The following TMEM132D variants were observed in gnomAD, a reference collection of about 807,000 sequenced individuals.
TMEM132D encodes the protein mature OL transmembrane protein.
In TMEM132D, 21 loss-of-function variants were observed where a neutral mutation model predicts 62.3. That is an observed-to-expected ratio of 0.34 (90% CI 0.24 to 0.49). The LOEUF is 0.49. Ranked by LOEUF, TMEM132D falls within the 20% of genes least tolerant of loss-of-function variation. TMEM132D has a pLI of 0.99. For missense variants in TMEM132D, 1,346 were observed against 1,402.8 expected, an observed-to-expected ratio of 0.96 and a Z score of 0.65; for synonymous variants, 621 against 575.6, an observed-to-expected ratio of 1.08 and a Z score of -1.13.
intron 5 of TMEM132D, among the ~76,000 whole-genome samples, chr12:129,131,710 T>G (rs1876379493): frequency 6.6e-6 from 1 of 152,166 alleles, no homozygotes; most frequent in South Asian, 2.1e-4. Flanking sequence ...AAGAAAGCTA[T>G]GATAATGGGA....
chr12:129,501,011 T>TC (rs35014051), intron 3 of TMEM132D, among the ~76,000 whole-genome samples: 71,946 of 152,014 alleles, frequency 0.47, 17,920 homozygotes, highest in African/African-American at 0.64. Context: ...GTCTTTAGTC[T>TC]CCCCTGTAAA....
At chr12:129,782,281 C>T (rs61943423) in intron 1 of TMEM132D, among the ~76,000 whole-genome samples, 9,089 of 152,182 alleles carry the variant, frequency 0.06, 322 homozygotes, top group East Asian at 0.1. Context: ...TGGAGCATGA[C>T]GGATTTCAGT....
chr12:129,148,878 G>T (rs1226089415), intron 5 of TMEM132D, among the ~76,000 whole-genome samples: 1 of 139,850 alleles, frequency 7.2e-6, no homozygotes. Context: ...TCTCCAAATT[G>T]TCTTGCAGAA....
At chr12:129,086,493 G>C (rs904205726) in intron 5 of TMEM132D, among the ~76,000 whole-genome samples, 5 of 152,042 alleles carry the variant, frequency 3.3e-5, no homozygotes, top group African/African-American at 9.7e-5. Flanking sequence ...GTAAGAATAA[G>C]TGGTGTTTGA....
intron 4 of TMEM132D, among the ~76,000 whole-genome samples, chr12:129,216,589 G>A (rs893764161): frequency 6.6e-6 from 1 of 152,202 alleles, no homozygotes; most frequent in Non-Finnish European, 1.5e-5. Context: ...TCCAGAGGGA[G>A]CATGGCCCTG....
intron 2 of TMEM132D, among the ~76,000 whole-genome samples, chr12:129,534,129 G>A (rs1003763946): frequency 3.9e-5 from 6 of 152,176 alleles, no homozygotes; most frequent in Non-Finnish European, 7.3e-5. Flanking sequence ...TATGACAACT[G>A]AGTTACTTAC....
At chr12:129,405,824 C>T (rs1336065742) in intron 3 of TMEM132D, among the ~76,000 whole-genome samples, 1 of 152,118 alleles carries the variant, frequency 6.6e-6, no homozygotes, top group African/African-American at 2.4e-5. Context: ...ATTTAGGTGA[C>T]TGTCCTTGAA....
intron 3 of TMEM132D, among the ~76,000 whole-genome samples, chr12:129,415,489 A>T (rs1872090043): frequency 6.6e-6 from 1 of 152,358 alleles, no homozygotes; most frequent in African/African-American, 2.4e-5. Flanking sequence ...AACACAAGTG[A>T]GCGGACATAG....
chr12:129,386,953 C>T (rs1000436983), intron 3 of TMEM132D, among the ~76,000 whole-genome samples: 9 of 151,974 alleles, frequency 5.9e-5, no homozygotes, highest in African/African-American at 1.9e-4. Flanking sequence ...CTATCACTAA[C>T]ACCAACACCA....
At position 129,473,366 on chromosome 12, in the gene TMEM132D, G is replaced by A. The variant is rs1344508084; in HGVS notation, c.1115+57693C>T. On this transcript the variant is annotated intron_variant, in intron 3 of 8. Coordinates refer to ENST00000422113, the MANE Select transcript of TMEM132D (RefSeq NM_133448.3). ...TTTTTTGAGACCAAGTCTTGCTCTT[G>A]TTGCCCAGACTGGAGTGCAGTGGCA... Among the ~76,000 whole-genome samples, 4 of 75,874 alleles carry A rather than the reference G, an allele frequency of 5.3e-5. No homozygotes were observed. The Admixed American group carries it at 7.0e-4, about 13-fold the overall frequency. 49.8% of individuals were successfully genotyped at this position (75,874 alleles called of 152,430 possible).
At chr12:129,733,891 G>A (rs1332771947) in intron 1 of TMEM132D, among the ~76,000 whole-genome samples, 5 of 152,160 alleles carry the variant, frequency 3.3e-5, no homozygotes, top group African/African-American at 4.8e-5. Flanking sequence ...TGCTCCCCAC[G>A]GATGCAGACA....
intron 3 of TMEM132D, among the ~76,000 whole-genome samples, chr12:129,524,802 C>T (rs144585241): frequency 2.0e-5 from 3 of 151,618 alleles, no homozygotes; most frequent in South Asian, 2.1e-4. Context: ...TTGCAGTGAG[C>T]GGAGACTGCG....
chr12:129,614,918 T>A (rs1878874241), intron 2 of TMEM132D, among the ~76,000 whole-genome samples: 1 of 152,208 alleles, frequency 6.6e-6, no homozygotes, highest in Non-Finnish European at 1.5e-5. Context: ...CTGAGAATCT[T>A]CCATTTCTAA....
chr12:129,277,420 G>T lies in TMEM132D; in HGVS notation c.1299+60214C>A, dbSNP rs1358250339. On this transcript the variant is annotated intron_variant, in intron 4 of 8. Transcript: ENST00000422113. This position sits in a 1 kb window ranked among gnomAD's most constrained non-coding sequence, Gnocchi z 4.2. ...AGAATTTCAATATTAAATTTGTCGA[G>T]GAAAGAAAAGGATACCATTTCAACG... Among the ~76,000 whole-genome samples the T allele has an allele frequency of 1.3e-5, 2 of 152,158 alleles. No homozygotes were observed. The highest frequency in any genetic ancestry group is 1.5e-5 in the Non-Finnish European group (1 of 68,028).
At chr12:129,840,704 C>T (rs1873165223) in intron 1 of TMEM132D, among the ~76,000 whole-genome samples, 1 of 152,238 alleles carries the variant, frequency 6.6e-6, no homozygotes, top group African/African-American at 2.4e-5. Flanking sequence ...CAACTCCAGA[C>T]TGTGTTCCAG....
At chr12:129,426,588 C>A (rs1248889399) in intron 3 of TMEM132D, among the ~76,000 whole-genome samples, 1 of 152,192 alleles carries the variant, frequency 6.6e-6, no homozygotes, top group African/African-American at 2.4e-5. Flanking sequence ...AGCACACTCC[C>A]TCTCCATCAT....
chr12:129,870,175 G>T (rs556217580), intron 1 of TMEM132D, among the ~76,000 whole-genome samples: 9 of 152,194 alleles, frequency 5.9e-5, no homozygotes, highest in South Asian at 2.1e-4. Flanking sequence ...TAGAGACATG[G>T]TTTTGCCATA....
At chr12:129,322,751 G>GCATA (rs1338874974) in intron 4 of TMEM132D, among the ~76,000 whole-genome samples, 9 of 152,110 alleles carry the variant, frequency 5.9e-5, no homozygotes, top group Non-Finnish European at 1.2e-4. Flanking sequence ...TGAATCTGTT[G>GCATA]CATACAGTAA....
At chr12:129,558,471 C>T (rs1176779774) in intron 2 of TMEM132D, among the ~76,000 whole-genome samples, 1 of 152,168 alleles carries the variant, frequency 6.6e-6, no homozygotes, top group Non-Finnish European at 1.5e-5. Context: ...CAGGGGGCTA[C>T]AGGCGACTAG....
Sources: allele counts gnomAD v4.1 joint callset (sites outside exome capture counted in the v4.1 genomes callset), GRCh38; gene constraint gnomAD v4.1.1; non-coding constraint Gnocchi (gnomAD v3.1); transcripts MANE v1.5; gene names NCBI Gene and HGNC (gene_info 2026-07-23, HGNC 2026-07-21).